The following KCNIP4 variants were observed in gnomAD, a reference collection of about 807,000 sequenced individuals.
KCNIP4 encodes Kv channel-interacting protein 4.
A neutral mutation model predicts 34.0 loss-of-function variants in KCNIP4; 12 were observed. That is an observed-to-expected ratio of 0.35 (90% CI 0.23 to 0.57). The LOEUF (loss-of-function observed/expected upper bound fraction) is 0.57, where lower values mean the gene tolerates loss of function less well. KCNIP4 is among the 20% of genes least tolerant of loss of function. The pLI is 0.83. For synonymous variants in KCNIP4, 124 were observed against 102.2 expected (o/e 1.21, Z -1.29); for missense variants, 238 against 311.7 (o/e 0.76, Z 1.78).
chr4:20,870,737 T>C, intron 2 of KCNIP4, among the ~76,000 whole-genome samples: 1 of 152,290 alleles, frequency 6.6e-6, no homozygotes, highest in East Asian at 1.9e-4. Flanking sequence ...CTGAGCTTTA[T>C]AGTCTCTCAT....
intron 1 of KCNIP4, among the ~76,000 whole-genome samples, chr4:21,508,935 A>T (rs1734083356): frequency 1.3e-5 from 2 of 152,100 alleles, no homozygotes; most frequent in African/African-American, 4.8e-5. Context: ...TTTATTCCTA[A>T]CATGGACACC....
intron 1 of KCNIP4, among the ~76,000 whole-genome samples, chr4:21,471,908 G>A (rs550169820): frequency 4.6e-5 from 7 of 152,126 alleles, no homozygotes; most frequent in East Asian, 3.9e-4. Flanking sequence ...CCATTTAATC[G>A]ATTTCTAAAT....
intron 1 of KCNIP4, among the ~76,000 whole-genome samples, chr4:21,477,953 T>C (rs1180255809): frequency 1.3e-5 from 2 of 152,194 alleles, no homozygotes; most frequent in Non-Finnish European, 2.9e-5. Flanking sequence ...TGAAACGTTG[T>C]TATAAAACAA....
At chr4:21,931,085 T>C (rs1729535920) in intron 1 of KCNIP4, among the ~76,000 whole-genome samples, 1 of 152,092 alleles carries the variant, frequency 6.6e-6, no homozygotes, top group African/African-American at 2.4e-5. Flanking sequence ...AGTAAGGCCA[T>C]TACAAAATCA....
intron 1 of KCNIP4, among the ~76,000 whole-genome samples, chr4:21,068,621 T>C (rs898437183): frequency 2.0e-5 from 3 of 152,184 alleles, no homozygotes; most frequent in African/African-American, 7.2e-5. Context: ...TGGCTGTCCT[T>C]TTCTTGTCAT....
At chr4:21,173,808 A>G (rs1402699341) in intron 1 of KCNIP4, among the ~76,000 whole-genome samples, 5 of 152,140 alleles carry the variant, frequency 3.3e-5, no homozygotes, top group Non-Finnish European at 7.4e-5. Flanking sequence ...ATGGGAGAGA[A>G]AGTCACGTGC....
intron 1 of KCNIP4, among the ~76,000 whole-genome samples, chr4:20,966,751 C>T (rs367949726): frequency 4.6e-5 from 7 of 152,140 alleles, no homozygotes; most frequent in African/African-American, 1.7e-4. Context: ...TGGGATTCTT[C>T]CTACCTATAG....
intron 3 of KCNIP4, among the ~76,000 whole-genome samples, chr4:20,765,296 CAT>C (rs775274927): frequency 3.9e-5 from 6 of 152,086 alleles, no homozygotes; most frequent in Non-Finnish European, 7.4e-5. Flanking sequence ...GGACTGAAAA[CAT>C]AGTCTCCTGG....
chr4:21,097,360 G>C (rs11736572), intron 1 of KCNIP4, among the ~76,000 whole-genome samples: 1 of 152,136 alleles, frequency 6.6e-6, no homozygotes, highest in East Asian at 1.9e-4. Flanking sequence ...CACATACAAA[G>C]ATATCATTTT....
chr4:21,044,561 T>C (rs10004501), intron 1 of KCNIP4, among the ~76,000 whole-genome samples: 4,199 of 152,180 alleles, frequency 0.028, 168 homozygotes, highest in African/African-American at 0.095. Context: ...CCACCCGCCT[T>C]GGCCTCCCAA....
chr4:20,767,341 A>G lies in KCNIP4; in HGVS notation c.289-8451T>C, dbSNP rs1466812110. 2.6e-5 allele frequency: 4 copies of G among 152,190 alleles called. No homozygotes were observed. The East Asian group carries it at 5.8e-4, about 22-fold the overall frequency. The allele number at this position is 152,190 out of a possible 1,614,324, so 9.4% of individuals were successfully genotyped here. A position where few individuals can be genotyped will look rare whatever the true frequency, so the allele number is the denominator to read the frequency against. ...ATGATAGCAGAGGAGAATAAAGGCC[A>G]CCATCATGGAAATAAATGTCAGTAG... On this transcript the variant is annotated intron_variant, in intron 3 of 8. Coordinates refer to ENST00000382152, the MANE Select transcript of KCNIP4 (RefSeq NM_025221.6).
intron 3 of KCNIP4, among the ~76,000 whole-genome samples, chr4:20,778,229 T>C (rs909739835): frequency 2.0e-5 from 3 of 152,190 alleles, no homozygotes; most frequent in Non-Finnish European, 4.4e-5. Context: ...CTTAAATTCT[T>C]TGTGCCAGTT....
intron 3 of KCNIP4, among the ~76,000 whole-genome samples, chr4:20,759,769 AC>A (rs1754797592): frequency 6.6e-6 from 1 of 152,202 alleles, no homozygotes; most frequent in African/African-American, 2.4e-5. Context: ...AGTTATAAGA[AC>A]CAGTGTGGTT....
At chr4:20,740,138 T>G (rs961729297) in intron 5 of KCNIP4, among the ~76,000 whole-genome samples, 88 of 152,092 alleles carry the variant, frequency 5.8e-4, no homozygotes, top group Non-Finnish European at 2.1e-4. Context: ...CGGGGAGAAT[T>G]GAACCAAGTT....
intron 3 of KCNIP4, among the ~76,000 whole-genome samples, chr4:20,825,225 GTTT>G (rs71181592): frequency 1.8e-5 from 2 of 113,636 alleles, no homozygotes; most frequent in African/African-American, 3.5e-5. Flanking sequence ...TCAATTTTAC[GTTT>G]TTTTTTTTTT....
At chr4:21,888,157 C>A (rs1312615800) in intron 1 of KCNIP4, among the ~76,000 whole-genome samples, 1 of 152,130 alleles carries the variant, frequency 6.6e-6, no homozygotes, top group African/African-American at 2.4e-5. Flanking sequence ...ACCCCAAGGT[C>A]TCACAGAGCT....
chr4:21,593,996 C>T (rs566743649), intron 1 of KCNIP4, among the ~76,000 whole-genome samples: 74 of 152,060 alleles, frequency 4.9e-4, no homozygotes, highest in African/African-American at 1.7e-3. Context: ...AATTTGCTTA[C>T]TTAGTATACC....
At chr4:21,634,359 C>T (rs765230663) in intron 1 of KCNIP4, among the ~76,000 whole-genome samples, 4 of 151,072 alleles carry the variant, frequency 2.6e-5, no homozygotes, top group East Asian at 1.9e-4. Context: ...CTTTTTTTAA[C>T]TTTCATGTAT....
chr4:21,056,436 T>C (rs1359617184), intron 1 of KCNIP4, among the ~76,000 whole-genome samples: 1 of 152,192 alleles, frequency 6.6e-6, no homozygotes, highest in Admixed American at 6.5e-5. Context: ...ATCTCTATCA[T>C]CTGCATGGCA....
Sources: gnomAD v4.1 joint callset for allele counts (sites outside exome capture counted in the v4.1 genomes callset) on GRCh38, gnomAD v4.1.1 for gene constraint, MANE v1.5 for transcripts, NCBI Gene and HGNC (gene_info 2026-07-23, HGNC 2026-07-21) for gene names.